ACAT1: variants seen among roughly 807,000 people sequenced by gnomAD.
ACAT1 encodes the protein acetyl-CoA acetyltransferase, mitochondrial.
In ACAT1, 28 loss-of-function variants were observed where a neutral mutation model predicts 47.3. The ratio of observed to expected loss-of-function variants is 0.59; its 90% CI spans 0.44 to 0.81. The LOEUF (loss-of-function observed/expected upper bound fraction) is 0.81. ACAT1 is among the 30% of genes least tolerant of loss of function. ACAT1 has a pLI of 0.00. For synonymous variants in ACAT1, 181 were observed against 173.6 expected (o/e 1.04, Z -0.34); for missense variants, 469 against 524.3 (o/e 0.89, Z 1.03).
intron 11 of ACAT1, 121 bp from the exon 12 acceptor site, chr11:108,147,149 G>GTTAA: frequency 1.7e-6 from 2 of 1,184,664 alleles, no homozygotes; most frequent in Non-Finnish European, 2.4e-6. Context: ...AATAGTAGTA[G>GTTAA]TTAATTCAGC....
chr11:108,138,273 C>T (rs572784961), intron 5 of ACAT1, among the ~76,000 whole-genome samples: 12 of 151,314 alleles, frequency 7.9e-5, no homozygotes, highest in Non-Finnish European at 1.6e-4. Context: ...GGGTGAGCCA[C>T]CGTGCCCAGC....
At chr11:108,131,372 T>TTTTTTTTTTTTTTTTTTTTG (rs1555031491) in intron 1 of ACAT1, among the ~76,000 whole-genome samples, 1 of 142,360 alleles carries the variant, frequency 7.0e-6, no homozygotes, top group African/African-American at 2.6e-5. Flanking sequence ...TTTTTTTTTT[T>TTTTTTTTTTTTTTTTTTTTG]AGACAGTCTT....
chr11:108,117,309 CTTTT>C (rs1161979278), upstream of ACAT1, among the ~76,000 whole-genome samples: 3 of 137,832 alleles, frequency 2.2e-5, no homozygotes, highest in Non-Finnish European at 3.2e-5. Context: ...CTGTCTCTCT[CTTTT>C]TTTTTTTTTT....
intron 1 of ACAT1, among the ~76,000 whole-genome samples, chr11:108,125,512 T>TA (rs1013857351): frequency 6.6e-5 from 10 of 152,212 alleles, no homozygotes; most frequent in Non-Finnish European, 1.3e-4. Flanking sequence ...ACCACATACT[T>TA]ACAGTGTAAG....
chr11:108,121,129 T>C (rs2077140424), upstream of ACAT1, among the ~76,000 whole-genome samples: 1 of 151,094 alleles, frequency 6.6e-6, no homozygotes, highest in Admixed American at 6.6e-5. Context: ...TGAGCCCTGA[T>C]GGTCGAGATT....
chr11:108,121,655 C>T lies in ACAT1; in HGVS notation c.49C>T (p.Pro17Ser), dbSNP rs573208198. ...GCGCAGCGGCGCCCGCAGCCGCAGC[C>T]CCCTGCTCCGGAGGCTGGTGCAGGT... ...LLRSGARSRS[P>S]LLRRLVQEIR... The change falls in exon 1 of 12, where the codon CCC becomes TCC. Residue 17 changes from proline to serine, a missense_variant. Coordinates refer to ENST00000265838, the MANE Select transcript of ACAT1 (RefSeq NM_000019.4). 3.9e-6 allele frequency: 6 copies of T among 1,549,844 alleles called. No individual in the cohort carries two copies. The highest frequency in any genetic ancestry group is 3.6e-5 in the South Asian group (3 of 84,076).
chr11:108,132,853 CAAAAAAAAAAAA>C (rs57501370), intron 2 of ACAT1, among the ~76,000 whole-genome samples: 4 of 47,894 alleles, frequency 8.4e-5, no homozygotes, highest in African/African-American at 1.8e-4. Context: ...AACTCCATCT[CAAAAAAAAAAAA>C]AAAAAAAAAA....
chr11:108,136,973 TGTAAA>T (rs1175505562), intron 5 of ACAT1: 2 of 152,230 alleles, frequency 1.3e-5, no homozygotes, highest in Non-Finnish European at 2.9e-5. Flanking sequence ...TTTGTTGACT[TGTAAA>T]GTAGTAACAA....
intron 4 of ACAT1, 100 bp from the exon 5 acceptor site, chr11:108,135,042 T>C (rs1188403358): frequency 5.1e-6 from 4 of 779,194 alleles, no homozygotes; most frequent in Non-Finnish European, 8.9e-6. Flanking sequence ...TGTAGTTATA[T>C]TGGCAGAAGA....
At chr11:108,145,674 T>C (rs901126838) in intron 10 of ACAT1, among the ~76,000 whole-genome samples, 1 of 152,174 alleles carries the variant, frequency 6.6e-6, no homozygotes, top group Non-Finnish European at 1.5e-5. Flanking sequence ...GAAAATCAAA[T>C]TTTCTGTCCC....
At chr11:108,135,953 C>A (rs1033752997) in intron 5 of ACAT1, 1 of 446,384 alleles carries the variant, frequency 2.2e-6, no homozygotes, top group African/African-American at 2.0e-5. Context: ...CGGTGCTTAA[C>A]CCTGGGAATC....
chr11:108,121,995 G>A (rs2077159315), intron 1 of ACAT1: 3 of 478,876 alleles, frequency 6.3e-6, no homozygotes, highest in African/African-American at 2.0e-5. Context: ...CGGCCTGAGC[G>A]GTGGGATCGG....
intron 2 of ACAT1, among the ~76,000 whole-genome samples, chr11:108,133,341 C>G (rs1354119861): frequency 2.0e-5 from 3 of 152,092 alleles, no homozygotes; most frequent in African/African-American, 7.2e-5. Flanking sequence ...AGTAAAGTGG[C>G]TGAGTGTGGT....
At chr11:108,126,717 G>C (rs1172980612) in intron 1 of ACAT1, among the ~76,000 whole-genome samples, 1 of 151,886 alleles carries the variant, frequency 6.6e-6, no homozygotes, top group Non-Finnish European at 1.5e-5. Flanking sequence ...TGGATTTTAG[G>C]GATTGCAATA....
At chr11:108,137,539 T>G (rs762872459) in intron 5 of ACAT1, among the ~76,000 whole-genome samples, 4 of 152,188 alleles carry the variant, frequency 2.6e-5, no homozygotes, top group Non-Finnish European at 4.4e-5. Flanking sequence ...GAAGAGATGA[T>G]GAGGATCTCA....
At chr11:108,135,583 G>C (rs2077453822) in intron 5 of ACAT1, among the ~76,000 whole-genome samples, 1 of 151,916 alleles carries the variant, frequency 6.6e-6, no homozygotes, top group Non-Finnish European at 1.5e-5. Flanking sequence ...TTAGGCCCAG[G>C]CACAGTGGCT....
chr11:108,132,480 C>T (rs1027481371), intron 2 of ACAT1, among the ~76,000 whole-genome samples: 1 of 152,156 alleles, frequency 6.6e-6, no homozygotes, highest in African/African-American at 2.4e-5. Flanking sequence ...AGAGAACTGT[C>T]ACAGTGCTGT....
In ACAT1 at chr11:108,147,562, A is replaced by AAT; in HGVS notation, c.*174_*175dup. On this transcript the variant is annotated 3_prime_UTR_variant, in exon 12 of 12. Transcript: ENST00000265838. ...AATCCCAAAACATTTTGAAATTAAA[A>AAT]ATAAATTTCTTCTTCTGCTTTTTTC... 1.1e-6 allele frequency: 1 copy of AAT among 880,786 alleles called. No individual in the cohort carries two copies. The highest frequency in any genetic ancestry group is 1.7e-5 in the South Asian group (1 of 58,512). 54.6% of individuals were successfully genotyped at this position (880,786 alleles called of 1,614,324 possible). A position where few individuals can be genotyped will look rare whatever the true frequency, so the allele number is the denominator to read the frequency against.
upstream of ACAT1, among the ~76,000 whole-genome samples, chr11:108,119,092 T>C (rs144285141): frequency 1.3e-5 from 2 of 152,292 alleles, no homozygotes; most frequent in East Asian, 1.9e-4. Context: ...TTCTGGAAAA[T>C]GTGGATAATG....
Sources: gnomAD v4.1 joint callset for allele counts (sites outside exome capture counted in the v4.1 genomes callset) on GRCh38, gnomAD v4.1.1 for gene constraint, MANE v1.5 for transcripts, NCBI Gene and HGNC (gene_info 2026-07-23, HGNC 2026-07-21) for gene names.